The following PHF2 variants were observed in gnomAD, a reference collection of about 807,000 sequenced individuals.
PHF2 encodes PHD finger protein 2.
PHF2 carries 27 observed loss-of-function variants against 120.5 expected under a neutral mutation model. That is an observed-to-expected ratio of 0.22 (90% CI 0.17 to 0.31). The LOEUF is 0.31. Ranked by LOEUF, PHF2 falls within the 10% of genes least tolerant of loss-of-function variation. The pLI is 1.00. For synonymous variants in PHF2, 568 were observed against 592.5 expected (o/e 0.96, Z 0.60); for missense variants, 1,024 against 1,434.8 (o/e 0.71, Z 4.63).
At chr9:93,636,164 A>C (rs1258361925) in intron 2 of PHF2, among the ~76,000 whole-genome samples, 2 of 152,104 alleles carry the variant, frequency 1.3e-5, no homozygotes, top group African/African-American at 2.4e-5. Context: ...GGGTCAGGGA[A>C]TGGAGGACAC....
At chr9:93,605,457 T>C (rs1178346871) in intron 1 of PHF2, among the ~76,000 whole-genome samples, 1 of 152,190 alleles carries the variant, frequency 6.6e-6, no homozygotes, top group African/African-American at 2.4e-5. Flanking sequence ...ACCATTGCAA[T>C]GTAATACAGA....
In PHF2 at chr9:93,673,652, G is replaced by A. The variant is rs1826850341; in HGVS notation, c.2416G>A (p.Ala806Thr). ...QGMLSMANLQ[A>T]SDSCLQTTWG... ...AATGCTGTCCATGGCCAACCTGCAG[G>A]CCTCCGACTCCTGCCTGCAGACCAC... The change falls in exon 18 of 22, where the codon GCC becomes ACC. Residue 806 changes from alanine to threonine, a missense_variant. By Grantham distance (58) the Ala-to-Thr change is moderately conservative. Coordinates refer to ENST00000359246, the MANE Select transcript of PHF2 (RefSeq NM_005392.4). The A allele has an allele frequency of 6.2e-7, 1 of 1,609,498 alleles. No homozygotes were observed. The highest frequency in any genetic ancestry group is 8.5e-7 in the Non-Finnish European group (1 of 1,177,210).
chr9:93,586,542 G>T (rs570944511), intron 1 of PHF2, among the ~76,000 whole-genome samples: 1 of 152,238 alleles, frequency 6.6e-6, no homozygotes, highest in Non-Finnish European at 1.5e-5. Flanking sequence ...GCCAGCCAAC[G>T]TACAGGCCGG....
At chr9:93,671,720 G>A (rs1826797102) in intron 17 of PHF2, among the ~76,000 whole-genome samples, 2 of 140,228 alleles carry the variant, frequency 1.4e-5, no homozygotes, top group African/African-American at 2.6e-5. Flanking sequence ...AGGTGTAGAT[G>A]CAGGTGTGGG....
At chr9:93,615,732 C>T (rs1404575270) in intron 1 of PHF2, among the ~76,000 whole-genome samples, 1 of 152,200 alleles carries the variant, frequency 6.6e-6, no homozygotes, top group Non-Finnish European at 1.5e-5. Context: ...GACCTCTTCC[C>T]TCCTCCCCAC....
intron 1 of PHF2, among the ~76,000 whole-genome samples, chr9:93,587,850 C>T (rs1009079160): frequency 2.0e-5 from 3 of 152,112 alleles, no homozygotes; most frequent in Admixed American, 6.5e-5. Context: ...TGGAGCTGCC[C>T]ATTGGCCTCA....
chr9:93,606,738 C>T (rs1825549231), intron 1 of PHF2, among the ~76,000 whole-genome samples: 2 of 152,212 alleles, frequency 1.3e-5, no homozygotes, highest in East Asian at 1.9e-4. Flanking sequence ...CTTCATGGAT[C>T]GTGTGCTTGG....
chr9:93,614,304 A>G (rs1825685859), intron 1 of PHF2, among the ~76,000 whole-genome samples: 1 of 152,226 alleles, frequency 6.6e-6, no homozygotes, highest in South Asian at 2.1e-4. Flanking sequence ...TCCCTGGGGC[A>G]GACATAGAGG....
At chr9:93,670,894 G>A (rs952683864) in intron 17 of PHF2, 95 of 651,230 alleles carry the variant, frequency 1.5e-4, no homozygotes, top group Non-Finnish European at 1.7e-4. Context: ...TGAGGGCAGC[G>A]GGGGTGCAGA....
chr9:93,584,962 T>G (rs1863009244), intron 1 of PHF2, among the ~76,000 whole-genome samples: 1 of 152,254 alleles, frequency 6.6e-6, no homozygotes, highest in Non-Finnish European at 1.5e-5. Flanking sequence ...CAGTTACATT[T>G]ATTCCTAGAT....
intron 1 of PHF2, among the ~76,000 whole-genome samples, chr9:93,619,129 C>T (rs1238511981): frequency 4.6e-5 from 7 of 152,006 alleles, no homozygotes; most frequent in Non-Finnish European, 7.4e-5. Context: ...GGATGTTCTC[C>T]GCTTCTCCTT....
At chr9:93,618,344 C>T (rs546584661) in intron 1 of PHF2, among the ~76,000 whole-genome samples, 4 of 152,382 alleles carry the variant, frequency 2.6e-5, no homozygotes, top group African/African-American at 4.8e-5. Context: ...ATGACACACT[C>T]GTGGGCAGAC....
At chr9:93,624,617 AGAT>A (rs138022603) in intron 1 of PHF2, among the ~76,000 whole-genome samples, 20,858 of 146,944 alleles carry the variant, frequency 0.14, 1,514 homozygotes, top group Middle Eastern at 0.17. Context: ...ATAGTGGTTG[AGAT>A]GATGATGATA....
chr9:93,625,968 C>T (rs1028159803), intron 1 of PHF2, among the ~76,000 whole-genome samples: 4 of 151,864 alleles, frequency 2.6e-5, no homozygotes, highest in Non-Finnish European at 4.4e-5. Context: ...ATTGGCCGGG[C>T]GCGGTGGCTC....
Position 93,678,101 on chromosome 9 carries a change from T to TA in PHF2, c.*434dup, listed in dbSNP as rs942760548. 2.0e-4 allele frequency: 32 copies of TA among 160,684 alleles called. No homozygotes were observed. Among genetic ancestry groups the TA allele is most frequent in the South Asian group, 5.9e-4 (3 of 5,058 alleles). The allele number at this position is 160,684 out of a possible 1,614,324, so 10.0% of individuals were successfully genotyped here. On this transcript the variant is annotated 3_prime_UTR_variant, in exon 22 of 22. Transcript: ENST00000359246. ...CACAGGCTGGCAGCCTCCAGGGGCT[T>TA]AAAAAAAAAGGCAAAGAACACAGAA...
chr9:93,601,287 T>C (rs1220927606), intron 1 of PHF2, among the ~76,000 whole-genome samples: 3 of 152,170 alleles, frequency 2.0e-5, no homozygotes, highest in Non-Finnish European at 4.4e-5. Flanking sequence ...TGGGAGCCTC[T>C]TGAGGGCCCC....
In PHF2 at chr9:93,679,081, C is replaced by T; in HGVS notation, c.*1405C>T. The T allele has an allele frequency of 2.7e-6, 1 of 364,604 alleles. No homozygotes were observed. Among genetic ancestry groups the T allele is most frequent in the South Asian group, 2.1e-5 (1 of 48,212 alleles). 22.6% of individuals were successfully genotyped at this position (364,604 alleles called of 1,614,324 possible). On this transcript the variant is annotated 3_prime_UTR_variant, in exon 22 of 22. Coordinates refer to ENST00000359246, the MANE Select transcript of PHF2 (RefSeq NM_005392.4). ...GGGGATACAGTTATTTTACTAGCACCTTGTGAAGTGTTTCCGTGTTTTGTG... is the reference window on the plus strand; with the variant it reads ...GGGGATACAGTTATTTTACTAGCACTTTGTGAAGTGTTTCCGTGTTTTGTG...
Position 93,676,473 on chromosome 9 carries a change from G to A in PHF2, c.2833-121G>A, listed in dbSNP as rs376069905. ...CTGGCGGCCCAGAGTCAGGCCTCAG[G>A]CCCCTGCTGCCCAGCCCTGCTGTGC... On this transcript the variant is annotated intron_variant, in intron 20 of 21. Coordinates refer to ENST00000359246, the MANE Select transcript of PHF2 (RefSeq NM_005392.4). 130 of 1,240,394 alleles carry A rather than the reference G, an allele frequency of 1.0e-4. No individual in the cohort carries two copies. In the East Asian group the frequency reaches 3.0e-3, roughly 29 times the overall value. The allele number at this position is 1,240,394 out of a possible 1,614,324, so 76.8% of individuals were successfully genotyped here.
rs1826943978 is a variant in PHF2 at position 93,677,661 on chromosome 9, G to A, written c.3276G>A (p.Gly1092=). The change falls in exon 22 of 22, where the codon GGG becomes GGA. Residue 1092 remains glycine (G), a synonymous_variant. Transcript: ENST00000359246. This position sits in a 1 kb window ranked among gnomAD's most constrained non-coding sequence, Gnocchi z 4.4. The part of the protein sequence containing the change: ...LGKILKIHRN[G]KLLL The stretch of plus-strand genomic sequence containing the variant: ...AAATTTTGAAAATTCATCGGAACGG[G>A]AAACTACTCCTTTAAGATTTGGAAA... 1 of 1,613,374 alleles carries A rather than the reference G, an allele frequency of 6.2e-7. No homozygotes were observed. Among genetic ancestry groups the A allele is most frequent in the Non-Finnish European group, 8.5e-7 (1 of 1,179,468 alleles).
Sources: allele counts gnomAD v4.1 joint callset (sites outside exome capture counted in the v4.1 genomes callset), GRCh38; gene constraint gnomAD v4.1.1; non-coding constraint Gnocchi (gnomAD v3.1); transcripts MANE v1.5; gene names NCBI Gene and HGNC (gene_info 2026-07-23, HGNC 2026-07-21).